The following OPCML variants were observed in gnomAD, a reference collection of about 807,000 sequenced individuals.
The protein encoded by OPCML is opioid-binding protein/cell adhesion molecule.
Under a neutral mutation model 37.8 loss-of-function variants are expected in OPCML, and 13 were observed. That is an observed-to-expected ratio of 0.34 (90% confidence interval 0.22 to 0.55). The LOEUF (loss-of-function observed/expected upper bound fraction) is 0.55, where lower values mean the gene tolerates loss of function less well. Ranked by LOEUF, OPCML falls within the 20% of genes least tolerant of loss-of-function variation. OPCML has a pLI of 0.91. For synonymous variants in OPCML, 176 were observed against 168.8 expected, an observed-to-expected ratio of 1.04 and a Z score of -0.33; for missense variants, 341 against 435.6, an observed-to-expected ratio of 0.78 and a Z score of 1.93.
At chr11:133,040,834 C>T (rs777851805) in intron 1 of OPCML, among the ~76,000 whole-genome samples, 5 of 152,044 alleles carry the variant, frequency 3.3e-5, no homozygotes, top group Non-Finnish European at 5.9e-5. Flanking sequence ...GGGTGAAGTA[C>T]AGGGAAGCAC....
chr11:132,774,521 C>T (rs374323857), intron 2 of OPCML, among the ~76,000 whole-genome samples: 3 of 152,294 alleles, frequency 2.0e-5, no homozygotes, highest in Admixed American at 2.0e-4. Context: ...CCAGTCCACA[C>T]CCAAGCCCTT....
chr11:133,119,567 G>A (rs927477169), intron 1 of OPCML, among the ~76,000 whole-genome samples: 6 of 152,166 alleles, frequency 3.9e-5, no homozygotes, highest in South Asian at 2.1e-4. Context: ...AAAACCCTCC[G>A]ATTTCAGCAG....
chr11:132,683,801 G>A (rs924541399), intron 2 of OPCML, among the ~76,000 whole-genome samples: 2 of 152,096 alleles, frequency 1.3e-5, no homozygotes, highest in Non-Finnish European at 2.9e-5. Context: ...GGTCTCAGAG[G>A]GACCTTGGGC....
At chr11:132,935,103 C>A (rs1945327321) in intron 2 of OPCML, among the ~76,000 whole-genome samples, 1 of 150,136 alleles carries the variant, frequency 6.7e-6, no homozygotes, top group African/African-American at 2.5e-5. Context: ...CGCACCATTG[C>A]ACTCCAGCCT....
At chr11:132,819,318 C>A in intron 2 of OPCML, among the ~76,000 whole-genome samples, 2 of 147,384 alleles carry the variant, frequency 1.4e-5, no homozygotes, top group Admixed American at 6.8e-5. Flanking sequence ...TTGGAGTTAG[C>A]AGACAAAGAC....
chr11:132,590,819 G>A (rs914530298), intron 3 of OPCML, among the ~76,000 whole-genome samples: 5 of 152,058 alleles, frequency 3.3e-5, no homozygotes, highest in South Asian at 2.1e-4. Context: ...TCTGCCTGCC[G>A]GGTGCCCTTT....
chr11:132,706,806 T>C (rs1944051026), intron 2 of OPCML, among the ~76,000 whole-genome samples: 1 of 152,210 alleles, frequency 6.6e-6, no homozygotes, highest in South Asian at 2.1e-4. Context: ...GTTCATCTAA[T>C]TAGGGGTTTA....
intron 2 of OPCML, among the ~76,000 whole-genome samples, chr11:132,881,756 A>AAT (rs2136430887): frequency 6.6e-6 from 1 of 152,342 alleles, no homozygotes; most frequent in South Asian, 2.1e-4. Context: ...TGGATTTCCA[A>AAT]ATTAGCAGCC....
intron 1 of OPCML, among the ~76,000 whole-genome samples, chr11:133,082,008 T>C (rs1277468512): frequency 1.3e-5 from 2 of 152,188 alleles, no homozygotes; most frequent in Non-Finnish European, 1.5e-5. Context: ...TGCTCCCGAG[T>C]GTGCCCAGAG....
intron 2 of OPCML, among the ~76,000 whole-genome samples, chr11:132,916,788 C>A (rs1442857391): frequency 6.6e-6 from 1 of 152,110 alleles, no homozygotes; most frequent in Non-Finnish European, 1.5e-5. Context: ...GTTGAGGCTA[C>A]CCTCACCCTG....
chr11:132,882,425 G>A (rs1943253495), intron 2 of OPCML, among the ~76,000 whole-genome samples: 1 of 152,150 alleles, frequency 6.6e-6, no homozygotes, highest in African/African-American at 2.4e-5. Context: ...AAGCATCCAG[G>A]GGAAGGTCGT....
rs1011204477 is a variant in OPCML at position 132,779,204 on chromosome 11, G to A, written c.147-121885C>T. Among the ~76,000 whole-genome samples, 20 of 152,088 alleles carry A rather than the reference G, an allele frequency of 1.3e-4. 1 individual carries two copies. Among genetic ancestry groups the A allele is most frequent in the Admixed American group, 3.9e-4 (6 of 15,274 alleles). On this transcript the variant is annotated intron_variant, in intron 2 of 7. Transcript: ENST00000524381. ...GCTGGCCTCGAACTCCTGACCTCAG[G>A]TGATCTGCCCACCTCAGCCTCCCAA...
At chr11:132,511,274 A>T (rs1361487733) in intron 4 of OPCML, among the ~76,000 whole-genome samples, 1 of 152,128 alleles carries the variant, frequency 6.6e-6, no homozygotes, top group East Asian at 1.9e-4. Flanking sequence ...GAGAAAAATT[A>T]GCCAAGACTT....
chr11:132,780,843 CAT>C (rs1304193106), intron 2 of OPCML, among the ~76,000 whole-genome samples: 1 of 152,098 alleles, frequency 6.6e-6, no homozygotes, highest in Non-Finnish European at 1.5e-5. Context: ...TAAACAAATC[CAT>C]ATCTAGTCTG....
chr11:133,071,318 G>GT (rs1170331858), intron 1 of OPCML, among the ~76,000 whole-genome samples: 1 of 152,150 alleles, frequency 6.6e-6, no homozygotes, highest in African/African-American at 2.4e-5. Context: ...CAGCAAAAGG[G>GT]TTTTGCAACA....
intron 2 of OPCML, among the ~76,000 whole-genome samples, chr11:132,897,796 A>C (rs1943905116): frequency 6.6e-6 from 1 of 152,126 alleles, no homozygotes; most frequent in Non-Finnish European, 1.5e-5. Context: ...CACAGGCTGG[A>C]TGGTCAGGGA....
Position 132,452,497 on chromosome 11 carries a change from ACTTCCTTC to A in OPCML, c.506-15146_506-15139del, listed in dbSNP as rs575180796. Among the ~76,000 whole-genome samples, 255 of 96,826 alleles carry A rather than the reference ACTTCCTTC, an allele frequency of 2.6e-3. 1 individual carries two copies. Among genetic ancestry groups the A allele is most frequent in the African/African-American group, 8.1e-3 (243 of 30,120 alleles). 63.5% of individuals were successfully genotyped at this position (96,826 alleles called of 152,430 possible). On this transcript the variant is annotated intron_variant, in intron 4 of 7. Coordinates refer to ENST00000524381, the MANE Select transcript of OPCML (RefSeq NM_001012393.5). ...CCTGCCCTCCCTCCCTCCCTTCCTC[ACTTCCTTC>A]CTTCCTTCCTTCCTTCCTTCTTTCA...
At chr11:132,512,398 G>GTACA (rs2096270713) in intron 4 of OPCML, among the ~76,000 whole-genome samples, 3 of 151,978 alleles carry the variant, frequency 2.0e-5, no homozygotes, top group Non-Finnish European at 4.4e-5. Context: ...AAAAAGGCCT[G>GTACA]TACATACGTG....
intron 2 of OPCML, among the ~76,000 whole-genome samples, chr11:132,916,428 C>A (rs1944607100): frequency 6.6e-6 from 1 of 152,136 alleles, no homozygotes; most frequent in Admixed American, 6.5e-5. Flanking sequence ...TGCGCTGGCA[C>A]TCTAGACAGG....
Sources: allele counts gnomAD v4.1 joint callset (sites outside exome capture counted in the v4.1 genomes callset), GRCh38; gene constraint gnomAD v4.1.1; transcripts MANE v1.5; gene names NCBI Gene and HGNC (gene_info 2026-07-23, HGNC 2026-07-21).